Variants in INPP5K observed in about 807,000 individuals in gnomAD.
INPP5K encodes inositol polyphosphate-5-phosphatase K.
In INPP5K, 35 loss-of-function variants were observed where a neutral mutation model predicts 53.5. The observed-to-expected ratio is 0.65, with a 90% CI of 0.50 to 0.87. The LOEUF (loss-of-function observed/expected upper bound fraction) is 0.87, where lower values mean the gene tolerates loss of function less well. Ranked by LOEUF, INPP5K falls within the 40% of genes least tolerant of loss-of-function variation. The pLI, the probability that INPP5K is intolerant of heterozygous loss-of-function variation, is 0.00. For missense variants in INPP5K, 550 were observed against 586.2 expected (o/e 0.94, Z 0.64); for synonymous variants, 253 against 232.8 (o/e 1.09, Z -0.79).
intron 3 of INPP5K, 31 bp from the exon 4 acceptor site, chr17:1,509,830 T>G (rs942613930): frequency 8.4e-6 from 12 of 1,420,184 alleles, no homozygotes; most frequent in Middle Eastern, 1.8e-4. Context: ...AGGTCGCTCA[T>G]TAAACCACAC....
At chr17:1,507,412 C>A in intron 6 of INPP5K, 1 of 308,770 alleles carries the variant, frequency 3.2e-6, no homozygotes, top group Admixed American at 4.9e-5. Context: ...CTGGGGAAGC[C>A]AGGGTTCTCC....
At chr17:1,508,701 G>A (rs1408279264) in intron 5 of INPP5K, among the ~76,000 whole-genome samples, 2 of 152,192 alleles carry the variant, frequency 1.3e-5, no homozygotes, top group Non-Finnish European at 2.9e-5. Flanking sequence ...TGGGGGATCC[G>A]TGATGGAGCA....
chr17:1,501,809 G>A (rs1331723204), intron 7 of INPP5K, among the ~76,000 whole-genome samples: 1 of 151,710 alleles, frequency 6.6e-6, no homozygotes, highest in Non-Finnish European at 1.5e-5. Flanking sequence ...ACAAGGTCAG[G>A]AGTTCAAGAC....
rs995961000 is a variant in INPP5K, at chr17:1,497,854, T to A, written c.963+82A>T. ...GTCTCCCCTGGGGGACTGGCTGACA[T>A]TCGAATCCAGGGATGGAGGGCTTGG... On this transcript the variant is annotated intron_variant, in intron 8 of 11. Transcript: ENST00000421807. The A allele has an allele frequency of 3.9e-6, 5 of 1,295,942 alleles. No individual in the cohort carries two copies. In the African/African-American group the frequency reaches 7.3e-5, roughly 19 times the overall value. 80.3% of individuals were successfully genotyped at this position (1,295,942 alleles called of 1,614,324 possible).
At chr17:1,508,321 G>A (rs1180405834) in intron 5 of INPP5K, 95 bp from the exon 6 acceptor site, 3 of 947,282 alleles carry the variant, frequency 3.2e-6, no homozygotes, top group South Asian at 2.6e-5. Context: ...AAGGGCTGCT[G>A]GGGCACAGAA....
chr17:1,497,840 G>A, intron 8 of INPP5K, 96 bp downstream of exon 8: 1 of 1,132,960 alleles, frequency 8.8e-7, no homozygotes. Context: ...TCTCCCCTGG[G>A]GGACTGGCTG....
chr17:1,509,356 G>T lies in INPP5K; in HGVS notation c.379-3C>A. The T allele has an allele frequency of 1.9e-6, 3 of 1,611,392 alleles. No individual in the cohort carries two copies. The highest frequency in any genetic ancestry group is 2.5e-6 in the Non-Finnish European group (3 of 1,178,112). On this transcript the variant is annotated splice_region_variant and splice_polypyrimidine_tract_variant and intron_variant, in intron 4 of 11. Coordinates refer to ENST00000421807, the MANE Select transcript of INPP5K (RefSeq NM_016532.4). ...ATGTTGACTCCACCTTTGTTCCCCTGGTAGAACAGGTCAACAGAAGAGTGG... is the reference window on the plus strand; with the variant it reads ...ATGTTGACTCCACCTTTGTTCCCCTTGTAGAACAGGTCAACAGAAGAGTGG...
chr17:1,508,775 C>T (rs2075227331), intron 5 of INPP5K, among the ~76,000 whole-genome samples: 1 of 132,518 alleles, frequency 7.5e-6, no homozygotes, highest in Non-Finnish European at 1.6e-5. Flanking sequence ...CCCAGGCTCA[C>T]TCGTGGCGGT....
intron 3 of INPP5K, among the ~76,000 whole-genome samples, chr17:1,510,679 T>G (rs1265256706): frequency 6.6e-6 from 1 of 152,158 alleles, no homozygotes. Context: ...CAGGCTGGAG[T>G]GCAGTGGTGC....
chr17:1,498,341 C>CCT (rs1219514734), intron 7 of INPP5K: 4 of 435,436 alleles, frequency 9.2e-6, no homozygotes, highest in Non-Finnish European at 1.2e-5. Flanking sequence ...TAGCCAGGAC[C>CCT]CTCTGTATGT....
At chr17:1,510,814 C>A (rs1433288955) in intron 3 of INPP5K, among the ~76,000 whole-genome samples, 3 of 151,934 alleles carry the variant, frequency 2.0e-5, no homozygotes, top group African/African-American at 7.3e-5. Context: ...TTTGTAGAGA[C>A]AGGGTCTTGC....
rs1355108230 is a variant in INPP5K at position 1,509,354 on chromosome 17, C to T, written c.379-1G>A. 7 of 1,611,706 alleles carry T rather than the reference C, an allele frequency of 4.3e-6. No homozygotes were observed. The stretch of plus-strand genomic sequence containing the variant: ...AGATGTTGACTCCACCTTTGTTCCC[C>T]TGGTAGAACAGGTCAACAGAAGAGT... On this transcript the variant is annotated splice_acceptor_variant, in intron 4 of 11. Coordinates refer to ENST00000421807, the MANE Select transcript of INPP5K (RefSeq NM_016532.4). LOFTEE classifies it high-confidence loss of function.
chr17:1,509,147 G>A, intron 5 of INPP5K, 31 bp downstream of exon 5: 2 of 1,390,914 alleles, frequency 1.4e-6, no homozygotes, highest in Non-Finnish European at 1.9e-6. Flanking sequence ...GGGGCAGAGG[G>A]CGGGGAACGG....
intron 7 of INPP5K, among the ~76,000 whole-genome samples, chr17:1,500,335 A>T (rs1416132829): frequency 6.6e-6 from 1 of 150,418 alleles, no homozygotes; most frequent in Non-Finnish European, 1.5e-5. Flanking sequence ...CTTTGCCGAA[A>T]CCATCCCAGA....
intron 1 of INPP5K, 123 bp downstream of exon 1, chr17:1,516,333 G>C: frequency 8.7e-7 from 1 of 1,144,162 alleles, no homozygotes; most frequent in South Asian, 1.4e-5. Flanking sequence ...GTGGGAGAAG[G>C]CGAGAGCGCC....
chr17:1,509,300 G>C lies in INPP5K; in HGVS notation c.432C>G (p.Ser144Arg). 6.2e-7 allele frequency: 1 copy of C among 1,614,084 alleles called. No individual in the cohort carries two copies. Among genetic ancestry groups the C allele is most frequent in the Non-Finnish European group, 8.5e-7 (1 of 1,179,990 alleles). ...ICLKLYGYYV[S>R]IINCHLPPHI... ...GGGGAGGCAGGTGGCAGTTGATGAT[G>C]CTGACATAGTAGCCATAAAGCTTCA... The change falls in exon 5 of 12, where the codon AGC becomes AGG. Residue 144 changes from serine (S) to arginine (R), a missense_variant. Coordinates refer to ENST00000421807, the MANE Select transcript of INPP5K (RefSeq NM_016532.4).
At chr17:1,506,220 TA>T (rs1457599477) in intron 7 of INPP5K, among the ~76,000 whole-genome samples, 1 of 152,044 alleles carries the variant, frequency 6.6e-6, no homozygotes, top group African/African-American at 2.4e-5. Flanking sequence ...GATGGGGTTT[TA>T]CCATGTTGGT....
At chr17:1,513,790 C>T (rs748450383) in intron 2 of INPP5K, 82 bp downstream of exon 2, 9 of 1,111,322 alleles carry the variant, frequency 8.1e-6, no homozygotes, top group Admixed American at 2.0e-5. Context: ...GACTCCAGAG[C>T]GGAGGAGGGC....
At chr17:1,503,479 G>A (rs565060746) in intron 7 of INPP5K, among the ~76,000 whole-genome samples, 18 of 152,160 alleles carry the variant, frequency 1.2e-4, no homozygotes, top group South Asian at 6.2e-4. Flanking sequence ...CACCGCACCC[G>A]GCCACACCAG....
Sources: allele counts gnomAD v4.1 joint callset (sites outside exome capture counted in the v4.1 genomes callset), GRCh38; gene constraint gnomAD v4.1.1; transcripts MANE v1.5; gene names NCBI Gene and HGNC (gene_info 2026-07-23, HGNC 2026-07-21).